The following WWP1 variants were observed in gnomAD, a reference collection of about 807,000 sequenced individuals.
WWP1 encodes the protein WW domain containing E3 ubiquitin protein ligase 1.
In WWP1, 49 loss-of-function variants were observed where a neutral mutation model predicts 130.6. The ratio of observed to expected loss-of-function variants is 0.38; its 90% CI spans 0.30 to 0.48. The LOEUF (loss-of-function observed/expected upper bound fraction) is 0.48, where lower values mean the gene tolerates loss of function less well. Ranked by LOEUF, WWP1 falls within the 20% of genes least tolerant of loss-of-function variation. WWP1 has a pLI of 0.99. For synonymous variants in WWP1, 332 were observed against 367.8 expected (o/e 0.90, Z 1.11); for missense variants, 809 against 1,100.6 (o/e 0.74, Z 3.75).
Position 86,389,898 on chromosome 8 carries a change from C to T in WWP1, c.334+8269C>T, listed in dbSNP as rs376550150. Among the ~76,000 whole-genome samples, 14 of 151,388 alleles carry T rather than the reference C, an allele frequency of 9.2e-5. No individual in the cohort carries two copies. In the East Asian group the frequency reaches 2.0e-3, roughly 21 times the overall value. On this transcript the variant is annotated intron_variant, in intron 5 of 24. Coordinates refer to ENST00000517970, the MANE Select transcript of WWP1 (RefSeq NM_007013.4). ...CGGGGGCTGCCCCCCACCTCCTGGA[C>T]GGGGCGGCTGCCGGGCGGAGACGCT...
intron 20 of WWP1, 91 bp downstream of exon 20, chr8:86,448,604 C>G: frequency 7.7e-7 from 1 of 1,292,106 alleles, no homozygotes. Context: ...CCTTTTCATG[C>G]CTTTGGGAAG....
At chr8:86,360,499 C>T (rs984845331) in intron 1 of WWP1, among the ~76,000 whole-genome samples, 1 of 152,176 alleles carries the variant, frequency 6.6e-6, no homozygotes, top group Non-Finnish European at 1.5e-5. Context: ...AGGTTCTGCC[C>T]CCTATGCAGT....
rs755860486 is a variant in WWP1, at chr8:86,438,609, T to C, written c.1774T>C (p.Leu592=). The C allele has an allele frequency of 6.2e-7, 1 of 1,608,404 alleles. No individual in the cohort carries two copies. The highest frequency in any genetic ancestry group is 8.5e-7 in the Non-Finnish European group (1 of 1,178,546). The change falls in exon 17 of 25, where the codon TTG becomes CTG. Residue 592 remains leucine, a synonymous_variant. Transcript: ENST00000517970. ...GATTATGGCATTAAAACCCTATGAC[T>C]TGAGGAGGCGCTTATATGTAATATT... is the stretch of plus-strand genomic sequence containing the variant. ...QQIMALKPYD[L]RRRLYVIFRG... is the part of the protein sequence containing the mutation.
At chr8:86,345,689 G>C (rs1290693238) in intron 1 of WWP1, among the ~76,000 whole-genome samples, 1 of 152,062 alleles carries the variant, frequency 6.6e-6, no homozygotes, top group Non-Finnish European at 1.5e-5. Context: ...TGGGATTACA[G>C]CGTAAGCCAC....
intron 9 of WWP1, among the ~76,000 whole-genome samples, chr8:86,423,063 A>AT (rs200170387): frequency 0.014 from 1,946 of 140,576 alleles, 37 homozygotes; most frequent in African/African-American, 0.042. Flanking sequence ...AGGTTTCTTC[A>AT]TTTTTTTTTT....
chr8:86,427,455 T>C (rs1809694623), intron 10 of WWP1, among the ~76,000 whole-genome samples, 188 bp from the exon 11 acceptor site: 2 of 152,094 alleles, frequency 1.3e-5, no homozygotes, highest in Admixed American at 1.3e-4. Context: ...TTACAGTGAT[T>C]AAAGGAAAAA....
At chr8:86,350,779 C>T (rs928596676) in intron 1 of WWP1, among the ~76,000 whole-genome samples, 3 of 152,170 alleles carry the variant, frequency 2.0e-5, no homozygotes, top group Admixed American at 6.5e-5. Flanking sequence ...ATTGACTGGG[C>T]TGGGTGGAAG....
chr8:86,418,522 C>T (rs561890100), intron 9 of WWP1, among the ~76,000 whole-genome samples: 1 of 152,178 alleles, frequency 6.6e-6, no homozygotes, highest in South Asian at 2.1e-4. Flanking sequence ...TTAGCAAACC[C>T]AAGAGAGCTG....
At chr8:86,377,252 A>ATTTTTTT (rs35139758) in intron 3 of WWP1, among the ~76,000 whole-genome samples, 1 of 138,884 alleles carries the variant, frequency 7.2e-6, no homozygotes, top group Non-Finnish European at 1.6e-5. Context: ...TTCCTGTCTA[A>ATTTTTTT]TTTTTTTTTT....
chr8:86,347,877 T>C (rs1488519631), intron 1 of WWP1, among the ~76,000 whole-genome samples: 2 of 152,220 alleles, frequency 1.3e-5, no homozygotes, highest in African/African-American at 4.8e-5. Flanking sequence ...ATTCAAAGTT[T>C]GAAATGCTCC....
chr8:86,445,568 C>T (rs188790079), intron 18 of WWP1, among the ~76,000 whole-genome samples: 3 of 152,078 alleles, frequency 2.0e-5, no homozygotes, highest in Non-Finnish European at 4.4e-5. Context: ...TTGATGGGCA[C>T]CTGGATTTAT....
intron 5 of WWP1, among the ~76,000 whole-genome samples, chr8:86,392,755 T>A (rs1807427410): frequency 7.1e-6 from 1 of 140,686 alleles, no homozygotes. Flanking sequence ...ATAAATTCAC[T>A]TACTATCAAC....
rs772765444 is a variant in WWP1 at position 86,461,816 on chromosome 8, A to G, written c.2639A>G (p.Lys880Arg). Reference sequence around the variant, plus strand: ...AAGTTTTGCATTGAAAAAGTTGGCAAAGACACTTGGTTACCAAGAAGCCAT... The same window carrying G: ...AAGTTTTGCATTGAAAAAGTTGGCAGAGACACTTGGTTACCAAGAAGCCAT... Reference protein sequence around the residue: ...PQKFCIEKVGKDTWLPRSHTC... With the variant: ...PQKFCIEKVGRDTWLPRSHTC... The change falls in exon 24 of 25, where the codon AAA (lysine) becomes AGA (arginine). Residue 880 changes from lysine to arginine, a missense_variant. This residue lies in a region of WWP1 where 450 missense variants were observed against 674.2 expected (regional missense o/e 0.67). Transcript: ENST00000517970. The G allele has an allele frequency of 9.3e-6, 15 of 1,613,988 alleles. No individual in the cohort carries two copies. Among genetic ancestry groups the G allele is most frequent in the Non-Finnish European group, 1.1e-5 (13 of 1,179,992 alleles).
chr8:86,420,744 T>C (rs1809156464), intron 9 of WWP1, among the ~76,000 whole-genome samples: 1 of 152,212 alleles, frequency 6.6e-6, no homozygotes. Context: ...TCTCACAGAC[T>C]GTATGACTCT....
In WWP1 at chr8:86,467,640, CTAGG is replaced by C. The variant is rs926856784; in HGVS notation, c.*750_*753del. On this transcript the variant is annotated 3_prime_UTR_variant, in exon 25 of 25. Transcript: ENST00000517970. Reference sequence around the variant, plus strand: ...TTTGTTTACATGTTACTTTGAGATGCTAGGTATTTGTGGAATTAAAAAGAATCAG... The same window carrying C: ...TTTGTTTACATGTTACTTTGAGATGCTATTTGTGGAATTAAAAAGAATCAG... 3.9e-5 allele frequency: 6 copies of C among 151,964 alleles called. No individual in the cohort carries two copies. Among genetic ancestry groups the C allele is most frequent in the African/African-American group, 1.4e-4 (6 of 41,458 alleles). 9.4% of individuals were successfully genotyped at this position (151,964 alleles called of 1,614,324 possible). A position where few individuals can be genotyped will look rare whatever the true frequency, so the allele number is the denominator to read the frequency against.
At position 86,425,324 on chromosome 8, in the gene WWP1, A is replaced by G. The variant is rs1204042482; in HGVS notation, c.1157+6A>G. On this transcript the variant is annotated splice_donor_region_variant and intron_variant, in intron 10 of 24. Transcript: ENST00000517970. ...CCACAACCTTTACCTCCAGGGTAAT[A>G]TAGCACTCTTTATGCATTTGTAATT... is the stretch of plus-strand genomic sequence containing the variant. 1 of 1,598,606 alleles carries G rather than the reference A, an allele frequency of 6.3e-7. No individual in the cohort carries two copies. The highest frequency in any genetic ancestry group is 1.7e-5 in the Admixed American group (1 of 57,888).
At chr8:86,428,396 C>A (rs1361778680) in intron 11 of WWP1, among the ~76,000 whole-genome samples, 1 of 152,126 alleles carries the variant, frequency 6.6e-6, no homozygotes, top group Non-Finnish European at 1.5e-5. Flanking sequence ...AAACAAAACT[C>A]CTCTGATAAA....
intron 5 of WWP1, among the ~76,000 whole-genome samples, chr8:86,391,529 A>G (rs566812599): frequency 4.6e-5 from 7 of 152,100 alleles, no homozygotes; most frequent in Admixed American, 2.0e-4. Flanking sequence ...AAATCCCTCT[A>G]TTGTTACAGA....
At chr8:86,415,742 A>T (rs963973556) in intron 9 of WWP1, among the ~76,000 whole-genome samples, 2 of 152,180 alleles carry the variant, frequency 1.3e-5, no homozygotes, top group African/African-American at 4.8e-5. Flanking sequence ...CTATAGATGG[A>T]GTATGAACTC....
Sources: gnomAD v4.1 joint callset for allele counts (sites outside exome capture counted in the v4.1 genomes callset) on GRCh38, gnomAD v4.1.1 for gene constraint, gnomAD v4.1.1 regional missense constraint, MANE v1.5 for transcripts, NCBI Gene and HGNC (gene_info 2026-07-23, HGNC 2026-07-21) for gene names.